The following GABRB1 variants were observed in gnomAD, a reference collection of about 807,000 sequenced individuals.
The protein encoded by GABRB1 is gamma-aminobutyric acid receptor subunit beta-1.
GABRB1 carries 17 observed loss-of-function variants against 51.6 expected under a neutral mutation model. That is an observed-to-expected ratio of 0.33 (90% CI 0.23 to 0.49). The LOEUF (loss-of-function observed/expected upper bound fraction) is 0.49, where lower values mean the gene tolerates loss of function less well. GABRB1 is among the 20% of genes least tolerant of loss of function. The probability of loss-of-function intolerance (pLI) is 0.99; values close to 1 mark genes in which losing one functional copy is unlikely to be tolerated. For missense variants in GABRB1, 410 were observed against 600.6 expected, an observed-to-expected ratio of 0.68 and a Z score of 3.32; for synonymous variants, 247 against 218.9, an observed-to-expected ratio of 1.13 and a Z score of -1.14.
At chr4:47,002,466 C>T (rs1724259228) in intron 1 of GABRB1, among the ~76,000 whole-genome samples, 1 of 151,994 alleles carries the variant, frequency 6.6e-6, no homozygotes, top group Non-Finnish European at 1.5e-5. Flanking sequence ...CAAATTAAAC[C>T]TAAAGAATGC....
intron 5 of GABRB1, among the ~76,000 whole-genome samples, chr4:47,344,675 T>C (rs1726024344): frequency 6.6e-6 from 1 of 152,160 alleles, no homozygotes; most frequent in African/African-American, 2.4e-5. Flanking sequence ...CTCCAACCAA[T>C]CTGTTACTGG....
At chr4:47,073,319 CTG>C (rs1727420154) in intron 3 of GABRB1, among the ~76,000 whole-genome samples, 3 of 152,182 alleles carry the variant, frequency 2.0e-5, no homozygotes, top group African/African-American at 7.2e-5. Context: ...TTAAGACAAA[CTG>C]TTTGTTTTCC....
chr4:47,277,383 G>C (rs1057047955), intron 4 of GABRB1, among the ~76,000 whole-genome samples: 1 of 151,992 alleles, frequency 6.6e-6, no homozygotes, highest in Middle Eastern at 3.2e-3. Flanking sequence ...TGAGGGGCTG[G>C]GGGAGGCGGG....
At position 47,261,546 on chromosome 4, in the gene GABRB1, T is replaced by C. The variant is rs796834436; in HGVS notation, c.462-58581T>C. On this transcript the variant is annotated intron_variant, in intron 4 of 8. Coordinates refer to ENST00000295454, the MANE Select transcript of GABRB1 (RefSeq NM_000812.4). ...CACTGCTCAATGAAATAAAAGAGGA[T>C]ACAAAGAAATGGAAGAACATTCCAT... is the stretch of plus-strand genomic sequence containing the variant. 3.3e-5 allele frequency among the ~76,000 whole-genome samples: 5 copies of C among 151,982 alleles called. No individual in the cohort carries two copies. The East Asian group carries it at 9.7e-4, about 29-fold the overall frequency.
intron 4 of GABRB1, among the ~76,000 whole-genome samples, chr4:47,271,615 C>G (rs1430638651): frequency 6.6e-6 from 1 of 152,164 alleles, no homozygotes; most frequent in African/African-American, 2.4e-5. Context: ...TTTCAGCCTT[C>G]TTTGTGCAGA....
intron 1 of GABRB1, among the ~76,000 whole-genome samples, chr4:47,018,766 C>A (rs1724824041): frequency 6.6e-6 from 1 of 152,036 alleles, no homozygotes; most frequent in Non-Finnish European, 1.5e-5. Context: ...AGTGGATCAT[C>A]CTAAAGATCT....
chr4:47,260,112 T>C (rs1455727174), intron 4 of GABRB1, among the ~76,000 whole-genome samples: 1 of 152,182 alleles, frequency 6.6e-6, no homozygotes, highest in Non-Finnish European at 1.5e-5. Flanking sequence ...TCTTTGTTGG[T>C]TTAAAGTCTG....
At chr4:47,092,696 C>T (rs1325730162) in intron 3 of GABRB1, among the ~76,000 whole-genome samples, 3 of 151,602 alleles carry the variant, frequency 2.0e-5, no homozygotes, top group Admixed American at 6.6e-5. Flanking sequence ...CACTGCAACC[C>T]CCACCTCCCA....
At chr4:47,147,477 C>T (rs968807748) in intron 3 of GABRB1, among the ~76,000 whole-genome samples, 9 of 152,102 alleles carry the variant, frequency 5.9e-5, no homozygotes, top group East Asian at 1.9e-4. Context: ...ATCCACTAGA[C>T]GGCAGGCCCT....
intron 8 of GABRB1, among the ~76,000 whole-genome samples, chr4:47,409,416 T>C (rs1210066518): frequency 6.6e-6 from 1 of 152,078 alleles, no homozygotes; most frequent in East Asian, 1.9e-4. Context: ...AAGATAATCT[T>C]CCCCAGGAGT....
intron 4 of GABRB1, among the ~76,000 whole-genome samples, chr4:47,232,558 C>G (rs937010264): frequency 6.6e-6 from 1 of 152,132 alleles, no homozygotes; most frequent in Non-Finnish European, 1.5e-5. Context: ...GAATCTCAAA[C>G]TTGATTACAG....
At position 47,350,216 on chromosome 4, in the gene GABRB1, T is replaced by TAGAG. The variant is rs1215848383; in HGVS notation, c.544+30008_544+30009insGAGA. 6.0e-3 allele frequency among the ~76,000 whole-genome samples: 441 copies of TAGAG among 73,714 alleles called. 1 individual carries two copies. The highest frequency in any genetic ancestry group is 9.2e-3 in the African/African-American group (152 of 16,544). The allele number at this position is 73,714 out of a possible 152,430, so 48.4% of individuals were successfully genotyped here. ...ATATATATATATATATATATATATA[T>TAGAG]ATAGAGAGAGAGAGAGAGAGAGAGA... On this transcript the variant is annotated intron_variant, in intron 5 of 8. Transcript: ENST00000295454.
intron 4 of GABRB1, among the ~76,000 whole-genome samples, chr4:47,233,613 C>T (rs1721223891): frequency 2.0e-5 from 3 of 151,994 alleles, no homozygotes; most frequent in Admixed American, 1.3e-4. Context: ...GCTTTTTGTC[C>T]TTATATATGT....
intron 3 of GABRB1, among the ~76,000 whole-genome samples, chr4:47,121,928 T>C (rs144344737): frequency 6.6e-6 from 1 of 152,340 alleles, no homozygotes; most frequent in Admixed American, 6.5e-5. Flanking sequence ...TTTTTACTAC[T>C]TAATAGTTAA....
intron 3 of GABRB1, among the ~76,000 whole-genome samples, chr4:47,068,670 G>T (rs1402545620): frequency 1.3e-5 from 2 of 152,158 alleles, no homozygotes; most frequent in Admixed American, 1.3e-4. Context: ...ATATGGGCAT[G>T]ATTCATGGCA....
At chr4:47,164,851 G>A (rs1178878609) in intron 4 of GABRB1, among the ~76,000 whole-genome samples, 1 of 152,038 alleles carries the variant, frequency 6.6e-6, no homozygotes, top group African/African-American at 2.4e-5. Flanking sequence ...ACTTCTAGAG[G>A]AACCAGGCTA....
intron 3 of GABRB1, among the ~76,000 whole-genome samples, chr4:47,159,147 A>G: frequency 6.6e-6 from 1 of 151,678 alleles, no homozygotes. Flanking sequence ...GCCAGGTGTG[A>G]TGGTGCATGC....
At chr4:47,123,772 ATC>A (rs1457533136) in intron 3 of GABRB1, among the ~76,000 whole-genome samples, 2 of 86,386 alleles carry the variant, frequency 2.3e-5, no homozygotes, top group South Asian at 3.1e-4. Flanking sequence ...TATATTATAT[ATC>A]ATATATTATT....
intron 5 of GABRB1, among the ~76,000 whole-genome samples, chr4:47,339,025 A>G (rs1725794149): frequency 6.6e-6 from 1 of 152,196 alleles, no homozygotes; most frequent in Admixed American, 6.5e-5. Context: ...CCATAAATCT[A>G]TTTATTCACC....
Sources: gnomAD v4.1 joint callset for allele counts (sites outside exome capture counted in the v4.1 genomes callset) on GRCh38, gnomAD v4.1.1 for gene constraint, MANE v1.5 for transcripts, NCBI Gene and HGNC (gene_info 2026-07-23, HGNC 2026-07-21) for gene names.